CPNE2: variants seen among roughly 807,000 people sequenced by gnomAD.
CPNE2 encodes the protein copine 2.
In CPNE2, 42 loss-of-function variants were observed where a neutral mutation model predicts 69.7. The observed-to-expected ratio is 0.60, with a 90% CI of 0.47 to 0.78. The LOEUF (loss-of-function observed/expected upper bound fraction) is 0.78. CPNE2 is among the 30% of genes least tolerant of loss of function. The pLI is 0.00. For synonymous variants in CPNE2, 294 were observed against 289.8 expected (o/e 1.01, Z -0.15); for missense variants, 587 against 732.0 (o/e 0.80, Z 2.29).
chr16:57,131,790 A>T (rs1348513467), intron 12 of CPNE2, among the ~76,000 whole-genome samples: 1 of 152,002 alleles, frequency 6.6e-6, no homozygotes, highest in African/African-American at 2.4e-5. Flanking sequence ...AAGCTCCTTC[A>T]TTCACTCCCA....
chr16:57,116,853 A>G (rs914477139), intron 4 of CPNE2, among the ~76,000 whole-genome samples: 1 of 151,702 alleles, frequency 6.6e-6, no homozygotes, highest in African/African-American at 2.4e-5. Context: ...AGAGGAGAGG[A>G]GGCCCCAGCG....
At chr16:57,135,344 G>A (rs2069871169) in intron 13 of CPNE2, among the ~76,000 whole-genome samples, 2 of 152,162 alleles carry the variant, frequency 1.3e-5, no homozygotes, top group Non-Finnish European at 2.9e-5. Context: ...CTGGGCCTAA[G>A]AGGATTTCTG....
chr16:57,129,783 C>T (rs1361576595), intron 12 of CPNE2, among the ~76,000 whole-genome samples: 2 of 152,192 alleles, frequency 1.3e-5, no homozygotes, highest in Non-Finnish European at 1.5e-5. Context: ...CGTGCCACTG[C>T]ACTCCAGCCT....
At chr16:57,111,029 G>A (rs954534861) in intron 2 of CPNE2, 107 bp downstream of exon 2, 30 of 889,232 alleles carry the variant, frequency 3.4e-5, no homozygotes, top group Non-Finnish European at 4.7e-5. Flanking sequence ...AGTAGTTGGA[G>A]TGTGGGCTGG....
intron 1 of CPNE2, among the ~76,000 whole-genome samples, chr16:57,107,442 C>G (rs2069654882): frequency 6.6e-6 from 1 of 152,166 alleles, no homozygotes; most frequent in African/African-American, 2.4e-5. Context: ...CGCTGCCAGC[C>G]CCACTCTCAC....
chr16:57,112,299 G>T (rs1468008394), intron 2 of CPNE2, among the ~76,000 whole-genome samples: 2 of 152,206 alleles, frequency 1.3e-5, no homozygotes, highest in African/African-American at 4.8e-5. Context: ...GAGGACTCCT[G>T]GGGGAGCCAC....
chr16:57,124,364 G>GAGTC (rs1330394794), intron 10 of CPNE2: 8 of 456,200 alleles, frequency 1.8e-5, no homozygotes, highest in Non-Finnish European at 3.5e-5. Flanking sequence ...TTACAGGCAT[G>GAGTC]AGTCACTGGG....
chr16:57,119,148 C>G (rs1054555853), intron 5 of CPNE2, 47 bp from the exon 6 acceptor site: 1 of 1,556,830 alleles, frequency 6.4e-7, no homozygotes, highest in African/African-American at 1.4e-5. Context: ...CTGCCTGAAC[C>G]TAGCAGGGCT....
intron 8 of CPNE2, 116 bp downstream of exon 8, chr16:57,121,307 G>C (rs1230156512): frequency 2.5e-6 from 2 of 789,278 alleles, no homozygotes; most frequent in Non-Finnish European, 4.1e-6. Flanking sequence ...GCATGACCTT[G>C]AGCAAGGCAT....
intron 11 of CPNE2, among the ~76,000 whole-genome samples, chr16:57,127,531 A>T (rs1338671364): frequency 6.6e-6 from 1 of 152,006 alleles, no homozygotes; most frequent in Non-Finnish European, 1.5e-5. Context: ...TTCCATCTTG[A>T]CCTCCTGACC....
chr16:57,104,677 TAGAC>T (rs1384659283), intron 1 of CPNE2, among the ~76,000 whole-genome samples: 1 of 152,132 alleles, frequency 6.6e-6, no homozygotes, highest in African/African-American at 2.4e-5. Context: ...CACAGGTACA[TAGAC>T]AGATATGTAA....
chr16:57,119,273 AC>A lies in CPNE2; in HGVS notation c.587del (p.Thr196MetfsTer3). On this transcript the variant is annotated frameshift_variant, in exon 6 of 16. Coordinates refer to ENST00000290776, the MANE Select transcript of CPNE2 (RefSeq NM_152727.6). LOFTEE classifies it high-confidence loss of function. ...DDGKWMLVHRTEVIKYTLDPV... is the reference protein window; with the variant it reads ...DDGKWMLVHRXEVIKYTLDPV... ...TGGCAAGTGGATGCTGGTCCACAGG[AC>A]TGAGGTGGGTACGTGGGGGCCCAGG... 1 of 1,614,028 alleles carries A rather than the reference AC, an allele frequency of 6.2e-7. No individual in the cohort carries two copies. The highest frequency in any genetic ancestry group is 8.5e-7 in the Non-Finnish European group (1 of 1,179,958).
intron 9 of CPNE2, 65 bp from the exon 10 acceptor site, chr16:57,123,349 A>G: frequency 1.3e-6 from 2 of 1,524,734 alleles, no homozygotes; most frequent in Admixed American, 1.7e-5. Context: ...ACATAGAGCA[A>G]CAACTCCCCC....
chr16:57,135,191 T>A (rs1286281799), intron 13 of CPNE2, among the ~76,000 whole-genome samples: 1 of 152,032 alleles, frequency 6.6e-6, no homozygotes. Context: ...GAGGTGAGGG[T>A]GGCACCAGAC....
rs190165523 is a variant in CPNE2 at position 57,094,018 on chromosome 16, C to G, written c.-36+1228C>G. 3,528 of 456,452 alleles carry G rather than the reference C, an allele frequency of 7.7e-3. 34 individuals carry two copies. Among genetic ancestry groups the G allele is most frequent in the South Asian group, 0.014 (892 of 64,546 alleles). The allele number at this position is 456,452 out of a possible 1,614,324, so 28.3% of individuals were successfully genotyped here. ...CCATCTGTGAAATGGGCTGATGTTC[C>G]GGGGCCTGCCTCCTGGAGAATGGAC... is the stretch of plus-strand genomic sequence containing the variant. On this transcript the variant is annotated intron_variant, in intron 1 of 15. Coordinates refer to ENST00000290776, the MANE Select transcript of CPNE2 (RefSeq NM_152727.6).
rs769463044 is a variant in CPNE2, at chr16:57,147,814, C to G, written c.*156C>G. ...CCACCCCCAACTTCCTCCAGCCCAGCTGGGCTTCCTTTGTTGGAGTCAACT... is the reference window on the plus strand; with the variant it reads ...CCACCCCCAACTTCCTCCAGCCCAGGTGGGCTTCCTTTGTTGGAGTCAACT... On this transcript the variant is annotated 3_prime_UTR_variant, in exon 16 of 16. Transcript: ENST00000290776. The G allele has an allele frequency of 4.3e-6, 2 of 466,046 alleles. No individual in the cohort carries two copies. The highest frequency in any genetic ancestry group is 7.5e-6 in the Non-Finnish European group (2 of 268,396). 28.9% of individuals were successfully genotyped at this position (466,046 alleles called of 1,614,324 possible).
At chr16:57,115,745 G>A (rs2069714606) in intron 4 of CPNE2, among the ~76,000 whole-genome samples, 195 bp downstream of exon 4, 1 of 152,234 alleles carries the variant, frequency 6.6e-6, no homozygotes. Context: ...GACAAGCTGG[G>A]GAGGCCTCCA....
At chr16:57,145,466 A>G (rs1273958434) in intron 14 of CPNE2, among the ~76,000 whole-genome samples, 2 of 152,090 alleles carry the variant, frequency 1.3e-5, no homozygotes, top group African/African-American at 4.8e-5. Flanking sequence ...AGAGTCCCAC[A>G]CTCCTGGAAG....
chr16:57,095,388 C>A (rs1166695945), intron 1 of CPNE2, among the ~76,000 whole-genome samples: 1 of 152,258 alleles, frequency 6.6e-6, no homozygotes, highest in Non-Finnish European at 1.5e-5. Context: ...GGCCACTGGA[C>A]CTCGGCTGTC....
Sources: allele counts gnomAD v4.1 joint callset (sites outside exome capture counted in the v4.1 genomes callset), GRCh38; gene constraint gnomAD v4.1.1; transcripts MANE v1.5; gene names NCBI Gene and HGNC (gene_info 2026-07-23, HGNC 2026-07-21).